TNC: variants seen among roughly 807,000 people sequenced by gnomAD.
TNC encodes the protein tenascin.
A neutral mutation model predicts 202.4 loss-of-function variants in TNC; 109 were observed. That is an observed-to-expected ratio of 0.54 (90% CI 0.46 to 0.63). The LOEUF is 0.63. Among genes scored for constraint, TNC ranks in the 30% least tolerant of loss-of-function variants. The pLI, the probability that TNC is intolerant of heterozygous loss-of-function variation, is 0.00. For missense variants in TNC, 2,756 were observed against 2,833.3 expected, an observed-to-expected ratio of 0.97 and a Z score of 0.62; for synonymous variants, 1,007 against 1,089.7, an observed-to-expected ratio of 0.92 and a Z score of 1.50.
intron 17 of TNC, among the ~76,000 whole-genome samples, 158 bp from the exon 18 acceptor site, chr9:115,042,499 G>A (rs918834861): frequency 6.6e-6 from 1 of 152,158 alleles, no homozygotes; most frequent in Non-Finnish European, 1.5e-5. Flanking sequence ...TGGTTAAGTT[G>A]TGACTTGCTA....
chr9:115,113,152 G>A (rs993306803), intron 1 of TNC, among the ~76,000 whole-genome samples: 2 of 132,132 alleles, frequency 1.5e-5, no homozygotes, highest in Admixed American at 8.4e-5. Context: ...AGAACACCAG[G>A]GCCAAAAAGA....
intron 20 of TNC, among the ~76,000 whole-genome samples, chr9:115,037,733 G>T (rs1830441857): frequency 6.6e-6 from 1 of 152,074 alleles, no homozygotes; most frequent in Non-Finnish European, 1.5e-5. Context: ...TCACCATGTT[G>T]GCCAGGCTGG....
chr9:115,048,604 A>G (rs1245604906), intron 15 of TNC, 72 bp from the exon 16 acceptor site: 39 of 1,451,916 alleles, frequency 2.7e-5, no homozygotes, highest in Non-Finnish European at 3.1e-5. Context: ...CACGTTTCCA[A>G]GAACACCAAT....
intron 1 of TNC, among the ~76,000 whole-genome samples, chr9:115,091,572 C>T (rs1206347713): frequency 6.6e-6 from 1 of 152,116 alleles, no homozygotes; most frequent in Non-Finnish European, 1.5e-5. Flanking sequence ...TCATTAATTC[C>T]TTCAGTATTT....
At chr9:115,040,918 C>A in intron 19 of TNC, 23 bp downstream of exon 19, 1 of 1,603,240 alleles carries the variant, frequency 6.2e-7, no homozygotes, top group South Asian at 1.1e-5. Context: ...CACACACACA[C>A]ACACACAACC....
At chr9:115,116,912 A>G (rs1837509604) in intron 1 of TNC, among the ~76,000 whole-genome samples, 2 of 152,192 alleles carry the variant, frequency 1.3e-5, no homozygotes, top group South Asian at 2.1e-4. Flanking sequence ...ACAACACACA[A>G]GAAACAATCC....
intron 13 of TNC, among the ~76,000 whole-genome samples, chr9:115,062,029 G>T (rs1411461): frequency 0.78 from 119,396 of 152,172 alleles, 47,440 homozygotes; most frequent in African/African-American, 0.92. Context: ...TGCCTATCAG[G>T]TGGGTGTTAG....
intron 3 of TNC, among the ~76,000 whole-genome samples, chr9:115,084,904 G>C (rs1319569990): frequency 6.6e-6 from 1 of 152,130 alleles, no homozygotes; most frequent in Non-Finnish European, 1.5e-5. Flanking sequence ...AGAACGCCTT[G>C]ACCAAGCTTG....
rs3748172 is a variant in TNC, at chr9:115,073,652, G to A, written c.3165C>T (p.Ala1055=). ...GCTTGCTCTTGTGTCTGCCTTTCTC[G>A]GCTGTCAGGAGGACATTGTACTCCT... ...PGQEYNVLLT[A]EKGRHKSKPA... is the part of the protein sequence containing the mutation. Residue 1055 remains alanine, a synonymous_variant, in exon 10 of 28, where the codon GCC becomes GCT. Coordinates refer to ENST00000350763, the MANE Select transcript of TNC (RefSeq NM_002160.4). 0.012 allele frequency: 19,656 copies of A among 1,614,102 alleles called. 852 individuals carry two copies. Among genetic ancestry groups the A allele is most frequent in the Admixed American group, 0.11 (6,324 of 60,012 alleles).
chr9:115,086,403 C>T lies in TNC; in HGVS notation c.1328G>A (p.Cys443Tyr). 6.2e-7 allele frequency: 1 copy of T among 1,614,114 alleles called. No homozygotes were observed. Reference protein sequence around the residue: ...DCSQLRCPNDCHSRGRCVEGK... With the variant: ...DCSQLRCPNDYHSRGRCVEGK... ...CTCGACACAGCGGCCCCGACTGTGA[C>T]AGTCATTGGGGCACCGTAGCTGGCT... The change falls in exon 3 of 28, where the codon TGT becomes TAT. Residue 443 changes from cysteine to tyrosine, a missense_variant. Around this residue, in one of 2 missense-constraint regions of TNC, gnomAD observed 2,559 missense variants for 2,546.0 expected, o/e 1.01. Coordinates refer to ENST00000350763, the MANE Select transcript of TNC (RefSeq NM_002160.4).
chr9:115,084,315 C>A lies in TNC; in HGVS notation c.2025G>T (p.Thr675=). ...EMQFRVPGDQ[T]STIIQELEPG... is the part of the protein sequence containing the mutation. ...GCTCCAGCTCCTGGATGATGGTGGA[C>A]GTCTGGTCCCCAGGCACACGGAACT... Residue 675 remains threonine, a synonymous_variant, in exon 4 of 28, where the codon ACG becomes ACT. Transcript: ENST00000350763. 1 of 1,614,160 alleles carries A rather than the reference C, an allele frequency of 6.2e-7. No homozygotes were observed. The highest frequency in any genetic ancestry group is 8.5e-7 in the Non-Finnish European group (1 of 1,180,022).
chr9:115,111,169 G>A (rs1391775893), intron 1 of TNC, among the ~76,000 whole-genome samples: 3 of 152,134 alleles, frequency 2.0e-5, no homozygotes, highest in Non-Finnish European at 4.4e-5. Context: ...GCCAGAAATT[G>A]GTGACACTGG....
At position 115,090,549 on chromosome 9, in the gene TNC, C is replaced by T. The variant is rs369477304; in HGVS notation, c.457+13G>A. ...TTGCACAGTGTGGGACTGGGCGGGC[C>T]ACCAGCTCATACCTGTGGCAGGCTG... On this transcript the variant is annotated intron_variant, in intron 2 of 27. Coordinates refer to ENST00000350763, the MANE Select transcript of TNC (RefSeq NM_002160.4). The T allele has an allele frequency of 1.3e-6, 2 of 1,552,626 alleles. No individual in the cohort carries two copies. Among genetic ancestry groups the T allele is most frequent in the African/African-American group, 2.7e-5 (2 of 73,152 alleles).
intron 6 of TNC, among the ~76,000 whole-genome samples, chr9:115,081,010 T>C (rs1000064148): frequency 6.6e-6 from 1 of 152,128 alleles, no homozygotes; most frequent in Admixed American, 6.5e-5. Context: ...CTGACATCAT[T>C]AGTATTGAAT....
chr9:115,084,689 G>T (rs1834575979), intron 3 of TNC, among the ~76,000 whole-genome samples: 1 of 152,186 alleles, frequency 6.6e-6, no homozygotes, highest in African/African-American at 2.4e-5. Context: ...GGAGTCCCAG[G>T]TCAGCAGTGT....
chr9:115,101,766 G>T (rs1836256209), intron 1 of TNC, among the ~76,000 whole-genome samples: 1 of 152,096 alleles, frequency 6.6e-6, no homozygotes, highest in Non-Finnish European at 1.5e-5. Context: ...CACAAGCAAG[G>T]TCTGGTATTA....
chr9:115,080,538 G>T (rs925401354), intron 6 of TNC, among the ~76,000 whole-genome samples: 1 of 152,140 alleles, frequency 6.6e-6, no homozygotes, highest in Non-Finnish European at 1.5e-5. Flanking sequence ...ATTACTTAAA[G>T]AGTTGGCGCA....
At position 115,041,011 on chromosome 9, in the gene TNC, C is replaced by T. The variant is rs146936123; in HGVS notation, c.5322G>A (p.Glu1774=). 1.2e-5 allele frequency: 19 copies of T among 1,613,970 alleles called. No homozygotes were observed. The highest frequency in any genetic ancestry group is 1.4e-5 in the Non-Finnish European group (17 of 1,180,034). The change falls in exon 19 of 28, where the codon GAG becomes GAA. Residue 1774 remains glutamate (E), a synonymous_variant. Transcript: ENST00000350763. The part of the protein sequence containing the change: ...TRLVKLIPGV[E]YLVSIIAMKG... Reference sequence around the variant, plus strand: ...TCATGGCGATGATGCTGACAAGGTACTCCACGCCAGGTATGAGTTTCACCA... The same window carrying T: ...TCATGGCGATGATGCTGACAAGGTATTCCACGCCAGGTATGAGTTTCACCA...
intron 9 of TNC, 123 bp downstream of exon 9, chr9:115,075,909 A>G: frequency 1.3e-6 from 1 of 778,424 alleles, no homozygotes; most frequent in Non-Finnish European, 2.2e-6. Context: ...GCTAGATGGT[A>G]CTACAGGGCC....
Sources: allele counts gnomAD v4.1 joint callset (sites outside exome capture counted in the v4.1 genomes callset), GRCh38; gene constraint gnomAD v4.1.1; regional missense constraint gnomAD v4.1.1; transcripts MANE v1.5; gene names NCBI Gene and HGNC (gene_info 2026-07-23, HGNC 2026-07-21).